The following EPB41L3 variants were observed in gnomAD, a reference collection of about 807,000 sequenced individuals.
The protein encoded by EPB41L3 is band 4.1-like protein 3.
Under a neutral mutation model 127.1 loss-of-function variants are expected in EPB41L3, and 57 were observed. That is an observed-to-expected ratio of 0.45 (90% CI 0.36 to 0.56). EPB41L3 has a LOEUF of 0.56. Among genes scored for constraint, EPB41L3 ranks in the 20% least tolerant of loss-of-function variants. EPB41L3 has a pLI of 0.00. For synonymous variants in EPB41L3, 572 were observed against 549.5 expected (o/e 1.04, Z -0.57); for missense variants, 1,273 against 1,372.2 (o/e 0.93, Z 1.14).
intron 1 of EPB41L3, among the ~76,000 whole-genome samples, chr18:5,490,181 C>T (rs1053264998): frequency 3.3e-5 from 5 of 152,126 alleles, no homozygotes; most frequent in African/African-American, 1.2e-4. Context: ...GCTATTACGC[C>T]AAGTAGATCC....
At chr18:5,538,994 GATT>G (rs1267388590) in intron 1 of EPB41L3, among the ~76,000 whole-genome samples, 110 of 128,652 alleles carry the variant, frequency 8.6e-4, no homozygotes, top group South Asian at 3.5e-3. Context: ...CTTTCTCCAA[GATT>G]TTTTTTTTTT....
chr18:5,609,110 C>G (rs1011723432), intron 3 of EPB41L3, among the ~76,000 whole-genome samples: 1 of 152,184 alleles, frequency 6.6e-6, no homozygotes, highest in African/African-American at 2.4e-5. Flanking sequence ...ATCCTGCTAC[C>G]TCCACCAGCT....
chr18:5,456,245 A>G (rs1010200268), intron 3 of EPB41L3, among the ~76,000 whole-genome samples: 1 of 152,194 alleles, frequency 6.6e-6, no homozygotes, highest in African/African-American at 2.4e-5. Flanking sequence ...TCATTGCTTT[A>G]AAAAACTATG....
intron 16 of EPB41L3, 55 bp downstream of exon 16, chr18:5,406,722 G>C: frequency 6.7e-7 from 1 of 1,495,682 alleles, no homozygotes; most frequent in Non-Finnish European, 9.2e-7. Flanking sequence ...ACACCCTGTA[G>C]AGAAGGAAGG....
chr18:5,575,640 C>T (rs2094329635), intron 3 of EPB41L3, among the ~76,000 whole-genome samples: 1 of 152,056 alleles, frequency 6.6e-6, no homozygotes, highest in African/African-American at 2.4e-5. Flanking sequence ...AGTTCGAGAC[C>T]AGCCTGGCCA....
chr18:5,578,636 A>G (rs187500314), intron 3 of EPB41L3, among the ~76,000 whole-genome samples: 5 of 152,350 alleles, frequency 3.3e-5, no homozygotes, highest in Non-Finnish European at 1.5e-5. Flanking sequence ...CATCATGCCC[A>G]TAAGCATGAG....
At chr18:5,496,816 A>G (rs1169991751) in intron 1 of EPB41L3, among the ~76,000 whole-genome samples, 1 of 152,258 alleles carries the variant, frequency 6.6e-6, no homozygotes, top group African/African-American at 2.4e-5. Flanking sequence ...TTCCTTTAAC[A>G]AACATTTCCT....
At chr18:5,447,191 G>A (rs1167455344) in intron 3 of EPB41L3, among the ~76,000 whole-genome samples, 1 of 152,158 alleles carries the variant, frequency 6.6e-6, no homozygotes, top group Non-Finnish European at 1.5e-5. Context: ...TGGAATGGAT[G>A]ACATTAAAAT....
chr18:5,402,873 T>C (rs1379341760), intron 16 of EPB41L3, among the ~76,000 whole-genome samples: 1 of 152,204 alleles, frequency 6.6e-6, no homozygotes, highest in Admixed American at 6.5e-5. Context: ...AAATAAAATT[T>C]AGGGAATGGG....
At chr18:5,435,119 TAAAG>T (rs1365469421) in intron 6 of EPB41L3, among the ~76,000 whole-genome samples, 2 of 152,194 alleles carry the variant, frequency 1.3e-5, no homozygotes, top group Non-Finnish European at 2.9e-5. Flanking sequence ...AATAAGGATA[TAAAG>T]AAAGAAAATA....
At chr18:5,437,812 T>C (rs2080083183) in intron 6 of EPB41L3, among the ~76,000 whole-genome samples, 1 of 152,046 alleles carries the variant, frequency 6.6e-6, no homozygotes, top group Non-Finnish European at 1.5e-5. Flanking sequence ...CCCACCAGGG[T>C]CAAGCAGAGG....
At chr18:5,623,652 A>C (rs944060690) in intron 1 of EPB41L3, among the ~76,000 whole-genome samples, 1 of 112,652 alleles carries the variant, frequency 8.9e-6, no homozygotes, top group African/African-American at 4.6e-5. Flanking sequence ...TTATCTTTTC[A>C]TTCTTTTTTT....
At chr18:5,587,156 T>C (rs1021403853) in intron 3 of EPB41L3, among the ~76,000 whole-genome samples, 5 of 152,150 alleles carry the variant, frequency 3.3e-5, no homozygotes, top group African/African-American at 1.2e-4. Flanking sequence ...GGCAGCTTTG[T>C]GGAAATAGGA....
chr18:5,512,773 T>C (rs2092588906), intron 1 of EPB41L3, among the ~76,000 whole-genome samples: 1 of 152,130 alleles, frequency 6.6e-6, no homozygotes, highest in Non-Finnish European at 1.5e-5. Context: ...CTCCATTAGT[T>C]CCAGCTCCTA....
At chr18:5,498,089 C>G (rs931846652) in intron 1 of EPB41L3, among the ~76,000 whole-genome samples, 3 of 152,170 alleles carry the variant, frequency 2.0e-5, no homozygotes, top group Non-Finnish European at 4.4e-5. Flanking sequence ...AGAACCACCT[C>G]ACTAAGCACA....
chr18:5,497,310 G>A (rs1462291694), intron 1 of EPB41L3, among the ~76,000 whole-genome samples: 1 of 152,150 alleles, frequency 6.6e-6, no homozygotes, highest in Admixed American at 6.5e-5. Context: ...GGTCATTCTG[G>A]CTTCTGAGTG....
chr18:5,422,340 C>A (rs937885369), intron 11 of EPB41L3, among the ~76,000 whole-genome samples: 1 of 152,162 alleles, frequency 6.6e-6, no homozygotes, highest in Non-Finnish European at 1.5e-5. Flanking sequence ...TTGGGAGATT[C>A]AAGGAGCACC....
chr18:5,423,399 T>C lies in EPB41L3; in HGVS notation c.1318A>G (p.Met440Val), dbSNP rs1176922439. The C allele has an allele frequency of 2.5e-6, 4 of 1,607,282 alleles. No individual in the cohort carries two copies. Among genetic ancestry groups the C allele is most frequent in the South Asian group, 2.2e-5 (2 of 90,422 alleles). ...FERSSSKRYT[M>V]SRSLDGEVGT... Reference sequence around the variant, plus strand: ...CTACCTCCATCCAAGCTGCGAGACATGGTATAACGTTTGCTGGATGAGCGT... The same window carrying C: ...CTACCTCCATCCAAGCTGCGAGACACGGTATAACGTTTGCTGGATGAGCGT... Residue 440 changes from methionine (M) to valine (V), a missense_variant, in exon 11 of 23, where the codon ATG (methionine) becomes GTG (valine). Physicochemically the swap from Met to Val is conservative, Grantham distance 21. Transcript: ENST00000341928.
At chr18:5,504,906 G>T (rs1250888089) in intron 1 of EPB41L3, among the ~76,000 whole-genome samples, 1 of 152,072 alleles carries the variant, frequency 6.6e-6, no homozygotes, top group East Asian at 1.9e-4. Flanking sequence ...TAAGTCTCCA[G>T]TGCCCTTGAA....
Sources: gnomAD v4.1 joint callset for allele counts (sites outside exome capture counted in the v4.1 genomes callset) on GRCh38, gnomAD v4.1.1 for gene constraint, MANE v1.5 for transcripts, NCBI Gene and HGNC (gene_info 2026-07-23, HGNC 2026-07-21) for gene names.